Variants in ERC1 observed in about 807,000 individuals in gnomAD.
The protein encoded by ERC1 is ELKS/RAB6-interacting/CAST family member 1.
Under a neutral mutation model 132.0 loss-of-function variants are expected in ERC1, and 56 were observed. The ratio of observed to expected loss-of-function variants is 0.42; its 90% CI spans 0.34 to 0.53. The LOEUF is 0.53. Among genes scored for constraint, ERC1 ranks in the 20% least tolerant of loss-of-function variants. The pLI is 0.03. For synonymous variants in ERC1, 478 were observed against 476.1 expected (o/e 1.00, Z -0.05); for missense variants, 1,202 against 1,349.9 (o/e 0.89, Z 1.72).
intron 1 of ERC1, among the ~76,000 whole-genome samples, chr12:1,025,585 AC>A (rs1174344946): frequency 2.6e-5 from 4 of 152,138 alleles, no homozygotes; most frequent in Non-Finnish European, 5.9e-5. Context: ...TTCTTCTAGT[AC>A]TTTTAATGGC....
At chr12:1,156,687 A>C (rs1951434314) in intron 8 of ERC1, among the ~76,000 whole-genome samples, 1 of 152,168 alleles carries the variant, frequency 6.6e-6, no homozygotes, top group Admixed American at 6.5e-5. Flanking sequence ...GCACAGTTTC[A>C]TTAAACATTT....
At chr12:1,186,243 C>A (rs947445783) in intron 11 of ERC1, among the ~76,000 whole-genome samples, 11 of 152,010 alleles carry the variant, frequency 7.2e-5, no homozygotes, top group African/African-American at 2.7e-4. Flanking sequence ...AGGAAAAAAA[C>A]GTGTGTTAGT....
intron 18 of ERC1, among the ~76,000 whole-genome samples, chr12:1,486,363 GT>G (rs138649783): frequency 0.05 from 7,473 of 150,546 alleles, 615 homozygotes; most frequent in African/African-American, 0.17. Context: ...TTTTTTTCTT[GT>G]TTTTTTTTCT....
chr12:1,415,961 G>A (rs1357829869), intron 17 of ERC1, among the ~76,000 whole-genome samples: 1 of 152,166 alleles, frequency 6.6e-6, no homozygotes, highest in African/African-American at 2.4e-5. Flanking sequence ...GCTCATAGAC[G>A]TTAAATAATT....
In ERC1 at chr12:1,325,836, A is replaced by C. The variant is rs1413406320; in HGVS notation, c.2780+35824A>C. On this transcript the variant is annotated intron_variant, in intron 15 of 18. Coordinates refer to ENST00000360905, the MANE Select transcript of ERC1 (RefSeq NM_178040.4). Reference sequence around the variant, plus strand: ...ATATAAGATATGCACCCGTTTGTCTATTCATTCCTTTTTGCTTCTCCAAAC... The same window carrying C: ...ATATAAGATATGCACCCGTTTGTCTCTTCATTCCTTTTTGCTTCTCCAAAC... 2.0e-5 allele frequency among the ~76,000 whole-genome samples: 3 copies of C among 152,072 alleles called. No homozygotes were observed. In the South Asian group the frequency reaches 6.2e-4, roughly 32 times the overall value.
At chr12:1,263,267 G>A in intron 14 of ERC1, 102 bp downstream of exon 14, 1 of 1,191,454 alleles carries the variant, frequency 8.4e-7, no homozygotes, top group Admixed American at 2.2e-5. Context: ...ATGTTTATAG[G>A]GTTTCAAAAA....
At chr12:1,230,191 G>A (rs1164980760) in intron 12 of ERC1, among the ~76,000 whole-genome samples, 1 of 151,830 alleles carries the variant, frequency 6.6e-6, no homozygotes, top group Non-Finnish European at 1.5e-5. Context: ...TACAGATGGG[G>A]TTTCACCATG....
At chr12:1,291,189 G>A (rs2079424010) in intron 15 of ERC1, among the ~76,000 whole-genome samples, 1 of 152,150 alleles carries the variant, frequency 6.6e-6, no homozygotes, top group African/African-American at 2.4e-5. Flanking sequence ...GTGCTTTCAC[G>A]TTCTTGGGCT....
chr12:1,295,341 G>A (rs927036596), intron 15 of ERC1, among the ~76,000 whole-genome samples: 9 of 152,150 alleles, frequency 5.9e-5, no homozygotes, highest in African/African-American at 2.2e-4. Context: ...TAAATGTCCT[G>A]TGTAAATCAG....
At chr12:1,038,393 G>A (rs570344943) in intron 2 of ERC1, among the ~76,000 whole-genome samples, 17 of 150,378 alleles carry the variant, frequency 1.1e-4, no homozygotes, top group Non-Finnish European at 1.8e-4. Flanking sequence ...ACGGAGTCTC[G>A]CTCTGTTGCC....
chr12:1,174,153 A>G (rs1015287556), intron 8 of ERC1, among the ~76,000 whole-genome samples: 1 of 152,150 alleles, frequency 6.6e-6, no homozygotes, highest in East Asian at 1.9e-4. Context: ...ATGGGCACAC[A>G]TTTCACCCGA....
chr12:1,404,443 T>A (rs868018857), intron 16 of ERC1, among the ~76,000 whole-genome samples: 9 of 151,888 alleles, frequency 5.9e-5, no homozygotes, highest in African/African-American at 2.2e-4. Flanking sequence ...AACAGTTCTA[T>A]ATGAAAAAAT....
intron 15 of ERC1, among the ~76,000 whole-genome samples, chr12:1,314,001 A>C (rs1428792181): frequency 7.1e-6 from 1 of 141,700 alleles, no homozygotes; most frequent in Non-Finnish European, 1.6e-5. Flanking sequence ...AATAATAATA[A>C]ATTAAATTAA....
At chr12:1,409,853 C>T (rs573845777) in intron 17 of ERC1, among the ~76,000 whole-genome samples, 1 of 152,182 alleles carries the variant, frequency 6.6e-6, no homozygotes, top group Non-Finnish European at 1.5e-5. Flanking sequence ...GGATTACAGG[C>T]ACCTGCCACC....
At chr12:1,312,068 TCTC>T (rs1327366227) in intron 15 of ERC1, among the ~76,000 whole-genome samples, 1 of 152,242 alleles carries the variant, frequency 6.6e-6, no homozygotes, top group Non-Finnish European at 1.5e-5. Flanking sequence ...CATAATTTCT[TCTC>T]CTAGAAACAC....
intron 15 of ERC1, among the ~76,000 whole-genome samples, chr12:1,351,918 AAC>A (rs1436153943): frequency 1.3e-5 from 2 of 152,140 alleles, no homozygotes; most frequent in East Asian, 1.9e-4. Context: ...TGAATATTTA[AAC>A]ACATATTATT....
intron 1 of ERC1, among the ~76,000 whole-genome samples, chr12:998,732 A>G (rs1056608663): frequency 2.6e-5 from 4 of 152,076 alleles, no homozygotes; most frequent in African/African-American, 9.7e-5. Flanking sequence ...AGGACTGTCT[A>G]CCACAGCAGC....
intron 12 of ERC1, among the ~76,000 whole-genome samples, chr12:1,227,475 A>G (rs1209240963): frequency 1.3e-5 from 2 of 152,178 alleles, no homozygotes. Flanking sequence ...CTTTCGAGAA[A>G]TGTCTATTCA....
At chr12:1,276,637 T>G (rs2078294440) in intron 14 of ERC1, among the ~76,000 whole-genome samples, 2 of 152,278 alleles carry the variant, frequency 1.3e-5, no homozygotes, top group South Asian at 4.1e-4. Context: ...TTTAAGAGAC[T>G]GTCTCCATTT....
Sources: gnomAD v4.1 joint callset for allele counts (sites outside exome capture counted in the v4.1 genomes callset) on GRCh38, gnomAD v4.1.1 for gene constraint, MANE v1.5 for transcripts, NCBI Gene and HGNC (gene_info 2026-07-23, HGNC 2026-07-21) for gene names.